Variants in CCL28 observed in about 807,000 individuals in gnomAD.
CCL28 encodes C-C motif chemokine 28.
A neutral mutation model predicts 7.1 loss-of-function variants in CCL28; 4 were observed. The observed-to-expected ratio is 0.56, with a 90% CI of 0.28 to 1.29. CCL28 has a LOEUF of 1.29. Among genes scored for constraint, CCL28 ranks in the 50% most tolerant of loss-of-function variants. CCL28 has a pLI of 0.11. For synonymous variants in CCL28, 55 were observed against 57.8 expected, an observed-to-expected ratio of 0.95 and a Z score of 0.22; for missense variants, 151 against 163.4, an observed-to-expected ratio of 0.92 and a Z score of 0.41.
intron 2 of CCL28, among the ~76,000 whole-genome samples, chr5:43,387,732 C>T (rs1740399926): frequency 6.6e-6 from 1 of 152,154 alleles, no homozygotes; most frequent in South Asian, 2.1e-4. Context: ...GCTCAACGAT[C>T]CTCCCATCAC....
intron 2 of CCL28, among the ~76,000 whole-genome samples, chr5:43,387,863 C>T (rs1422766420): frequency 1.3e-5 from 2 of 152,142 alleles, no homozygotes; most frequent in Non-Finnish European, 2.9e-5. Context: ...TGGGCTCAAG[C>T]GATACCCCTG....
At chr5:43,371,149 G>GTA in the CCL28 span, among the ~76,000 whole-genome samples, 1 of 152,080 alleles carries the variant, frequency 6.6e-6, no homozygotes, top group African/African-American at 2.4e-5. Flanking sequence ...TAATTTAGTT[G>GTA]TATAACTACA....
chr5:43,387,784 C>G (rs182861701), intron 2 of CCL28, among the ~76,000 whole-genome samples: 20 of 152,232 alleles, frequency 1.3e-4, no homozygotes, highest in Admixed American at 9.8e-4. Flanking sequence ...TGCCACCATG[C>G]CTGGCTAGTT....
chr5:43,404,435 C>A (rs1179959414), intron 1 of CCL28, among the ~76,000 whole-genome samples: 7 of 152,076 alleles, frequency 4.6e-5, no homozygotes, highest in Non-Finnish European at 7.4e-5. Flanking sequence ...GAGAAATAAA[C>A]CCCTTTACAG....
At chr5:43,403,858 C>G (rs575880086) in intron 1 of CCL28, among the ~76,000 whole-genome samples, 1 of 152,088 alleles carries the variant, frequency 6.6e-6, no homozygotes, top group South Asian at 2.1e-4. Flanking sequence ...AACTACGTGA[C>G]GAATGCAGAA....
chr5:43,402,894 C>A (rs1398957492), intron 1 of CCL28, among the ~76,000 whole-genome samples: 1 of 152,248 alleles, frequency 6.6e-6, no homozygotes, highest in Non-Finnish European at 1.5e-5. Context: ...GTCCCACACC[C>A]ACAGAGCCTC....
chr5:43,361,196 C>T, the CCL28 span, among the ~76,000 whole-genome samples: 2 of 152,058 alleles, frequency 1.3e-5, no homozygotes, highest in African/African-American at 4.8e-5. Flanking sequence ...GTATATGTAC[C>T]ACATTTTCTT....
intron 2 of CCL28, among the ~76,000 whole-genome samples, chr5:43,387,594 CCTTTT>C (rs550697434): frequency 1.5e-3 from 229 of 152,200 alleles, no homozygotes; most frequent in African/African-American, 5.1e-3. Context: ...TCTTTTTGAA[CCTTTT>C]CTTTTGTTTT....
intron 1 of CCL28, chr5:43,397,254 C>T (rs1175825415): frequency 1.3e-5 from 2 of 152,174 alleles, no homozygotes; most frequent in East Asian, 1.9e-4. Context: ...CCAGGCCTAG[C>T]CTACCGCGGG....
the CCL28 span, among the ~76,000 whole-genome samples, chr5:43,370,744 C>T: frequency 0.23 from 10,660 of 45,776 alleles, 948 homozygotes; most frequent in African/African-American, 0.49. Flanking sequence ...CTTTCTCTCT[C>T]TTTTTTTTTT....
At chr5:43,403,697 T>C (rs967770495) in intron 1 of CCL28, among the ~76,000 whole-genome samples, 14 of 151,808 alleles carry the variant, frequency 9.2e-5, no homozygotes, top group East Asian at 5.8e-4. Context: ...AGGCTTCAGA[T>C]GATCAAACTA....
Position 43,406,683 on chromosome 5 carries a change from G to A in CCL28, c.64+5570C>T, listed in dbSNP as rs541147367. Among the ~76,000 whole-genome samples the A allele has an allele frequency of 2.2e-4, 33 of 152,254 alleles. No individual in the cohort carries two copies. In the Middle Eastern group the frequency reaches 0.01, roughly 47 times the overall value. On this transcript the variant is annotated intron_variant, in intron 1 of 2. Coordinates refer to ENST00000361115, the MANE Select transcript of CCL28 (RefSeq NM_148672.3). The stretch of plus-strand genomic sequence containing the variant: ...AGGAGAAAGAAAGGATATTCAATTA[G>A]GAAAAGAGGAAGTCAAAATGTCCCT...
chr5:43,382,482 A>C (rs1740159369), intron 2 of CCL28, among the ~76,000 whole-genome samples: 2 of 152,202 alleles, frequency 1.3e-5, no homozygotes, highest in African/African-American at 4.8e-5. Context: ...CTGATCCGTA[A>C]GGATTTGTAG....
intron 1 of CCL28, among the ~76,000 whole-genome samples, chr5:43,394,088 A>G (rs1229013535): frequency 6.6e-6 from 1 of 152,106 alleles, no homozygotes; most frequent in Non-Finnish European, 1.5e-5. Context: ...CCATAACAGA[A>G]CCACCCCATC....
the CCL28 span, among the ~76,000 whole-genome samples, chr5:43,362,842 A>G: frequency 6.6e-6 from 1 of 152,302 alleles, no homozygotes; most frequent in East Asian, 1.9e-4. Flanking sequence ...AAAGATTGAT[A>G]TATATACATA....
chr5:43,372,970 T>G (rs1049795706), downstream of CCL28, among the ~76,000 whole-genome samples: 2 of 150,910 alleles, frequency 1.3e-5, no homozygotes, highest in Non-Finnish European at 3.0e-5. Context: ...CCGGCTAATT[T>G]TTGTATTTTT....
chr5:43,404,616 C>A (rs1441873566), intron 1 of CCL28, among the ~76,000 whole-genome samples: 2 of 152,132 alleles, frequency 1.3e-5, no homozygotes, highest in Non-Finnish European at 2.9e-5. Context: ...GGCAAAATAA[C>A]CAGCTAGCAT....
Position 43,380,829 on chromosome 5 carries a change from A to G in CCL28, c.*1031T>C, listed in dbSNP as rs894800787. The G allele has an allele frequency of 1.3e-5, 2 of 149,790 alleles. No individual in the cohort carries two copies. The highest frequency in any genetic ancestry group is 3.0e-5 in the Non-Finnish European group (2 of 67,276). The allele number at this position is 149,790 out of a possible 1,614,324, so 9.3% of individuals were successfully genotyped here. ...CCTCAACAAAATAATTTTAAAAATT[A>G]AAAAAAAAAGACAGAGGAACTTTCT... is the stretch of plus-strand genomic sequence containing the variant. On this transcript the variant is annotated 3_prime_UTR_variant, in exon 3 of 3. Coordinates refer to ENST00000361115, the MANE Select transcript of CCL28 (RefSeq NM_148672.3).
At chr5:43,369,073 AGAGAGAGAGAG>A in the CCL28 span, among the ~76,000 whole-genome samples, 10 of 111,994 alleles carry the variant, frequency 8.9e-5, no homozygotes, top group Non-Finnish European at 1.7e-4. Flanking sequence ...AGAGAGAGAG[AGAGAGAGAGAG>A]AACCAGTAAG....
Sources: allele counts gnomAD v4.1 joint callset (sites outside exome capture counted in the v4.1 genomes callset), GRCh38; gene constraint gnomAD v4.1.1; transcripts MANE v1.5; gene names NCBI Gene and HGNC (gene_info 2026-07-23, HGNC 2026-07-21).